The following MYO15A variants were observed in gnomAD, a reference collection of about 807,000 sequenced individuals.
The protein encoded by MYO15A is myosin XVA.
Under a neutral mutation model 394.6 loss-of-function variants are expected in MYO15A, and 308 were observed. The ratio of observed to expected loss-of-function variants is 0.78; its 90% CI spans 0.71 to 0.86. The LOEUF (loss-of-function observed/expected upper bound fraction) is 0.86, where lower values mean the gene tolerates loss of function less well. Among genes scored for constraint, MYO15A ranks in the 40% least tolerant of loss-of-function variants. The probability of loss-of-function intolerance (pLI) is 0.00; values close to 1 mark genes in which losing one functional copy is unlikely to be tolerated. For synonymous variants in MYO15A, 1,957 were observed against 2,003.8 expected, an observed-to-expected ratio of 0.98 and a Z score of 0.62; for missense variants, 4,606 against 4,799.1, an observed-to-expected ratio of 0.96 and a Z score of 1.19.
In MYO15A at chr17:18,172,014, A is replaced by G. The variant is rs376112532; in HGVS notation, c.10217-143A>G. 1.3e-5 allele frequency: 19 copies of G among 1,424,106 alleles called. No homozygotes were observed. The African/African-American group carries it at 2.3e-4, about 17-fold the overall frequency. 88.2% of individuals were successfully genotyped at this position (1,424,106 alleles called of 1,614,324 possible). On this transcript the variant is annotated intron_variant, in intron 63 of 65. Coordinates refer to ENST00000647165, the MANE Select transcript of MYO15A (RefSeq NM_016239.4). ...ATAGAGGAAGAGGCCATGAGAAGGG[A>G]GGCCAGAGAGATGGGAGGAGACCCA...
chr17:18,145,482 G>A (rs945193231), intron 29 of MYO15A, among the ~76,000 whole-genome samples: 1 of 152,206 alleles, frequency 6.6e-6, no homozygotes, highest in Non-Finnish European at 1.5e-5. Flanking sequence ...GGGAGGCCAA[G>A]GCAGGCAGAT....
chr17:18,124,142 T>G, intron 2 of MYO15A: 3 of 376,922 alleles, frequency 8.0e-6, no homozygotes, highest in Non-Finnish European at 1.0e-5. Context: ...CAAGCCAACA[T>G]ATGGGGTCTG....
rs876657904 is a variant in MYO15A at position 18,151,425 on chromosome 17, C to T, written c.7685C>T (p.Ser2562Phe). The T allele has an allele frequency of 5.0e-6, 8 of 1,614,080 alleles. No homozygotes were observed. The highest frequency in any genetic ancestry group is 1.6e-4 in the Middle Eastern group (1 of 6,084). ...CCCTCCCCAGAGCTGGTCCGGTACT[C>T]TACGCTCAACTCTGAGCACTTCCCA... is the stretch of plus-strand genomic sequence containing the variant. ...TSPSPELVRYSTLNSEHFPQP... is the reference protein window; with the variant it reads ...TSPSPELVRYFTLNSEHFPQP... The change falls in exon 40 of 66, where the codon TCT (serine) becomes TTT (phenylalanine). Residue 2562 changes from serine to phenylalanine, a missense_variant. Physicochemically the swap from Ser to Phe is radical, Grantham distance 155. Transcript: ENST00000647165.
At position 18,133,226 on chromosome 17, in the gene MYO15A, G is replaced by C. The variant is rs772995303; in HGVS notation, c.4322G>C (p.Gly1441Ala). ...EAETYYYLNQGGNCEIAGKSD... is the reference protein window; with the variant it reads ...EAETYYYLNQAGNCEIAGKSD... ...CCCTCAGCCTCTGCCCTCATGCAGGGTGGGAACTGTGAGATAGCAGGAAAG... is the reference window on the plus strand; with the variant it reads ...CCCTCAGCCTCTGCCCTCATGCAGGCTGGGAACTGTGAGATAGCAGGAAAG... Residue 1441 changes from glycine (G) to alanine (A), a missense_variant and splice_region_variant, in exon 12 of 66, where the codon GGT becomes GCT. Gly to Ala is a moderately conservative substitution (Grantham distance 60). This residue lies in a region of MYO15A where 2,776 missense variants were observed against 3,109.3 expected (regional missense o/e 0.89). Transcript: ENST00000647165. 2.5e-6 allele frequency: 4 copies of C among 1,613,948 alleles called. No individual in the cohort carries two copies. Among genetic ancestry groups the C allele is most frequent in the Admixed American group, 1.7e-5 (1 of 60,008 alleles).
At position 18,120,596 on chromosome 17, in the gene MYO15A, GC is replaced by G; in HGVS notation, c.1799del (p.Pro600LeufsTer29). 6.3e-7 allele frequency: 1 copy of G among 1,597,992 alleles called. No homozygotes were observed. The stretch of plus-strand genomic sequence containing the variant: ...GGCAGCCAGAAGGCCCGGGCGGGCG[GC>G]CCTGCTGTCAGGGAGGCGGCCTACA... ...LRGSQKARAG[G>X]PAVREAAYKR... is the part of the protein sequence containing the mutation. On this transcript the variant is annotated frameshift_variant, in exon 2 of 66. Coordinates refer to ENST00000647165, the MANE Select transcript of MYO15A (RefSeq NM_016239.4). LOFTEE classifies it high-confidence loss of function.
intron 7 of MYO15A, among the ~76,000 whole-genome samples, chr17:18,127,436 A>G (rs2046069747): frequency 6.6e-6 from 1 of 152,052 alleles, no homozygotes; most frequent in Admixed American, 6.6e-5. Context: ...AGGGAAGGGG[A>G]GTCCACATAG....
Position 18,118,610 on chromosome 17 carries a change from T to C in MYO15A, c.-191T>C, listed in dbSNP as rs2045827620. ...GAAACCCAAGGCGCTCTAGAGGAGATGAATTATGGATCCGCCCTCCCGGAA... is the reference window on the plus strand; with the variant it reads ...GAAACCCAAGGCGCTCTAGAGGAGACGAATTATGGATCCGCCCTCCCGGAA... On this transcript the variant is annotated 5_prime_UTR_variant, in exon 2 of 66. It removes an upstream start codon present in the reference 5' UTR. Coordinates refer to ENST00000647165, the MANE Select transcript of MYO15A (RefSeq NM_016239.4). 6.7e-6 allele frequency: 5 copies of C among 749,896 alleles called. No individual in the cohort carries two copies. In the South Asian group the frequency reaches 7.4e-5, roughly 11 times the overall value. The allele number at this position is 749,896 out of a possible 1,614,324, so 46.5% of individuals were successfully genotyped here. A position where few individuals can be genotyped will look rare whatever the true frequency, so the allele number is the denominator to read the frequency against.
chr17:18,170,966 G>A (rs536632080), intron 62 of MYO15A, among the ~76,000 whole-genome samples: 1 of 152,336 alleles, frequency 6.6e-6, no homozygotes, highest in South Asian at 2.1e-4. Context: ...GTGGAAAGAA[G>A]GACAGATGTT....
chr17:18,126,154 G>A (rs138534399), intron 4 of MYO15A, among the ~76,000 whole-genome samples, 193 bp from the exon 5 acceptor site: 3 of 152,372 alleles, frequency 2.0e-5, no homozygotes, highest in African/African-American at 4.8e-5. Flanking sequence ...TCAGCCTGGT[G>A]CAGTGCCTGA....
At position 18,120,793 on chromosome 17, in the gene MYO15A, G is replaced by C; in HGVS notation, c.1993G>C (p.Val665Leu). 7.5e-7 allele frequency: 1 copy of C among 1,329,086 alleles called. No individual in the cohort carries two copies. Among genetic ancestry groups the C allele is most frequent in the Non-Finnish European group, 9.6e-7 (1 of 1,044,292 alleles). 82.3% of individuals were successfully genotyped at this position (1,329,086 alleles called of 1,614,324 possible). A position where few individuals can be genotyped will look rare whatever the true frequency, so the allele number is the denominator to read the frequency against. The change falls in exon 2 of 66, where the codon GTG (valine) becomes CTG (leucine). Residue 665 changes from valine (V) to leucine (L), a missense_variant. By Grantham distance (32) the Val-to-Leu change is conservative. Around this residue, in one of 2 missense-constraint regions of MYO15A, gnomAD observed 1,830 missense variants for 1,689.7 expected, o/e 1.08. Coordinates refer to ENST00000647165, the MANE Select transcript of MYO15A (RefSeq NM_016239.4). ...SHWSALLSPP[V>L]PPRPPSSGPP... ...CTGGAGCGCGCTCCTGTCTCCGCCC[G>C]TGCCCCCGCGGCCCCCAAGCTCCGG...
chr17:18,154,095 A>G, intron 43 of MYO15A, 36 bp from the exon 44 acceptor site: 2 of 1,613,046 alleles, frequency 1.2e-6, no homozygotes, highest in Non-Finnish European at 1.7e-6. Context: ...GCCAGGGGGC[A>G]GTCGGACAGT....
intron 57 of MYO15A, 109 bp downstream of exon 57, chr17:18,161,556 G>A: frequency 1.3e-6 from 2 of 1,494,050 alleles, no homozygotes. Context: ...CACAGGTGCT[G>A]AGCAATGTTT....
chr17:18,167,646 C>A lies in MYO15A; in HGVS notation c.10005C>A (p.Ser3335Arg), dbSNP rs751601405. Residue 3335 changes from serine to arginine, a missense_variant, in exon 62 of 66, where the codon AGC becomes AGA. By Grantham distance (110) the Ser-to-Arg change is moderately radical. This residue lies in a region of MYO15A where 2,776 missense variants were observed against 3,109.3 expected (regional missense o/e 0.89). Coordinates refer to ENST00000647165, the MANE Select transcript of MYO15A (RefSeq NM_016239.4). The part of the protein sequence containing the change: ...LFSSVPASRP[S>R]EQLLQQVSKL... ...GCAGTGTGCCGGCCAGCCGGCCCAG[C>A]GAGCAGCTGCTGCAGCAGGTGTCCA... The A allele has an allele frequency of 1.9e-6, 3 of 1,604,154 alleles. No individual in the cohort carries two copies. In the South Asian group the frequency reaches 3.3e-5, roughly 18 times the overall value.
intron 65 of MYO15A, among the ~76,000 whole-genome samples, chr17:18,174,592 A>ATTT (rs2046987888): frequency 6.6e-6 from 1 of 152,214 alleles, no homozygotes; most frequent in Non-Finnish European, 1.5e-5. Context: ...CCTGGGTGAC[A>ATTT]AAGTGAGACC....
rs1239658861 is a variant in MYO15A, at chr17:18,121,585, T to C, written c.2785T>C (p.Trp929Arg). 2.5e-5 allele frequency: 40 copies of C among 1,597,894 alleles called. No homozygotes were observed. The highest frequency in any genetic ancestry group is 3.2e-5 in the Non-Finnish European group (38 of 1,172,138). The change falls in exon 2 of 66, where the codon TGG (tryptophan) becomes CGG (arginine). Residue 929 changes from tryptophan to arginine, a missense_variant. Transcript: ENST00000647165. The surrounding 1 kb of genome is among the most constrained non-coding windows in gnomAD (Gnocchi z 5.3). The stretch of plus-strand genomic sequence containing the variant: ...GACTGTGCCCCCACTGGCCCCCAGC[T>C]GGGACGTGGACATGCCTCCCACCCA... ...PWTVPPLAPS[W>R]DVDMPPTQRP... is the part of the protein sequence containing the mutation.
intron 16 of MYO15A, 100 bp from the exon 17 acceptor site, chr17:18,138,015 G>A (rs2046309751): frequency 6.8e-7 from 1 of 1,466,718 alleles, no homozygotes; most frequent in Non-Finnish European, 9.2e-7. Flanking sequence ...GCAAGCAGAG[G>A]TGCTGCTGGC....
At chr17:18,172,470 A>G in intron 64 of MYO15A, 180 bp downstream of exon 64, 1 of 1,000,464 alleles carries the variant, frequency 1.0e-6, no homozygotes, top group Admixed American at 2.0e-5. Context: ...AAATGAGGAT[A>G]AGAGTTGAGC....
chr17:18,159,751 T>TCA (rs2046746690), intron 55 of MYO15A, 72 bp downstream of exon 55: 1 of 1,553,622 alleles, frequency 6.4e-7, no homozygotes, highest in Non-Finnish European at 8.9e-7. Flanking sequence ...TATCAATGAG[T>TCA]CACAGGACAT....
At chr17:18,175,290 A>ATTTTTTT (rs1474662829) in intron 65 of MYO15A, among the ~76,000 whole-genome samples, 1 of 56,134 alleles carries the variant, frequency 1.8e-5, no homozygotes, top group Admixed American at 1.5e-4. Flanking sequence ...CCTCTAGACT[A>ATTTTTTT]TCTTTTTTTT....
Sources: gnomAD v4.1 joint callset for allele counts (sites outside exome capture counted in the v4.1 genomes callset) on GRCh38, gnomAD v4.1.1 for gene constraint, gnomAD v4.1.1 regional missense constraint, Gnocchi (gnomAD v3.1) non-coding constraint, MANE v1.5 for transcripts, NCBI Gene and HGNC (gene_info 2026-07-23, HGNC 2026-07-21) for gene names.